AGMO: variants seen among roughly 807,000 people sequenced by gnomAD.
AGMO encodes the protein alkylglycerol monooxygenase, also known as glyceryl-ether monooxygenase.
Under a neutral mutation model 60.2 loss-of-function variants are expected in AGMO, and 75 were observed. The observed-to-expected ratio is 1.25, with a 90% CI of 1.03 to 1.51. The LOEUF (loss-of-function observed/expected upper bound fraction) is 1.51, where lower values mean the gene tolerates loss of function less well. AGMO is among the 40% of genes most tolerant of loss of function. The pLI, the probability that AGMO is intolerant of heterozygous loss-of-function variation, is 0.00. For synonymous variants in AGMO, 261 were observed against 177.1 expected, an observed-to-expected ratio of 1.47 and a Z score of -3.76; for missense variants, 763 against 525.5, an observed-to-expected ratio of 1.45 and a Z score of -4.42.
intron 3 of AGMO, among the ~76,000 whole-genome samples, chr7:15,517,143 A>G (rs1410257492): frequency 1.3e-5 from 2 of 152,096 alleles, no homozygotes; most frequent in South Asian, 2.1e-4. Flanking sequence ...TGTATTGTGC[A>G]TCTAATATCA....
intron 3 of AGMO, among the ~76,000 whole-genome samples, chr7:15,534,556 A>G (rs1784441758): frequency 6.6e-6 from 1 of 151,944 alleles, no homozygotes; most frequent in Non-Finnish European, 1.5e-5. Flanking sequence ...CAGACTGTCA[A>G]TGGTCTCTGT....
intron 12 of AGMO, among the ~76,000 whole-genome samples, chr7:15,240,098 ACAAT>A (rs1458931576): frequency 5.3e-5 from 8 of 152,168 alleles, no homozygotes; most frequent in African/African-American, 1.7e-4. Flanking sequence ...CTTTTTCCTA[ACAAT>A]CAAGCTACAT....
At chr7:15,157,264 A>G in the AGMO span, among the ~76,000 whole-genome samples, 1 of 152,178 alleles carries the variant, frequency 6.6e-6, no homozygotes, top group Non-Finnish European at 1.5e-5. Context: ...CATGAGGCTT[A>G]GGAGGGTAAG....
intron 3 of AGMO, among the ~76,000 whole-genome samples, chr7:15,484,227 AGAGT>A (rs1162700133): frequency 2.0e-5 from 3 of 152,192 alleles, no homozygotes; most frequent in Non-Finnish European, 2.9e-5. Context: ...AAGTAGAGGC[AGAGT>A]AAAGAAATTA....
intron 3 of AGMO, among the ~76,000 whole-genome samples, chr7:15,481,615 T>C (rs1782752468): frequency 1.3e-5 from 2 of 151,968 alleles, no homozygotes; most frequent in South Asian, 4.1e-4. Flanking sequence ...GATAAATGTA[T>C]ATTCAGATAG....
At chr7:15,299,826 TACATACACACACACAC>T (rs1563075441) in intron 12 of AGMO, among the ~76,000 whole-genome samples, 1 of 50,400 alleles carries the variant, frequency 2.0e-5, no homozygotes, top group Non-Finnish European at 3.8e-5. Flanking sequence ...AGACTCTGTC[TACATACACACACACAC>T]ACACACACAC....
chr7:15,372,443 G>A (rs184966885), intron 10 of AGMO, among the ~76,000 whole-genome samples: 17 of 152,164 alleles, frequency 1.1e-4, no homozygotes, highest in Admixed American at 7.2e-4. Flanking sequence ...GCGTCACAGC[G>A]AGACTCTGTC....
intron 12 of AGMO, among the ~76,000 whole-genome samples, chr7:15,265,657 C>T (rs537456954): frequency 1.3e-5 from 2 of 151,894 alleles, no homozygotes; most frequent in South Asian, 2.1e-4. Context: ...CAAGCTTTTG[C>T]CAGAATATAA....
At chr7:15,229,467 A>G (rs887659403) in intron 12 of AGMO, among the ~76,000 whole-genome samples, 5 of 150,198 alleles carry the variant, frequency 3.3e-5, no homozygotes, top group African/African-American at 9.7e-5. Context: ...TACTACTTCA[A>G]CTAGAAACTT....
Position 15,394,254 on chromosome 7 carries a change from G to GA in AGMO, c.610-76dup, listed in dbSNP as rs1784276665. On this transcript the variant is annotated intron_variant, in intron 5 of 12. Coordinates refer to ENST00000342526, the MANE Select transcript of AGMO (RefSeq NM_001004320.2). ...TGTTAGTATATAAATGCTCACATTA[G>GA]AAACTCACATAAATTAAGAGATATT... 3 of 1,100,400 alleles carry GA rather than the reference G, an allele frequency of 2.7e-6. No homozygotes were observed. The East Asian group carries it at 7.1e-5, about 26-fold the overall frequency. The allele number at this position is 1,100,400 out of a possible 1,614,324, so 68.2% of individuals were successfully genotyped here.
chr7:15,415,178 G>C (rs572760137), intron 5 of AGMO, among the ~76,000 whole-genome samples: 1 of 151,962 alleles, frequency 6.6e-6, no homozygotes, highest in South Asian at 2.1e-4. Context: ...CTCACTTCAA[G>C]TTCTGCCTCC....
intron 2 of AGMO, among the ~76,000 whole-genome samples, chr7:15,547,049 C>T (rs1234953754): frequency 1.3e-5 from 2 of 152,150 alleles, no homozygotes; most frequent in African/African-American, 4.8e-5. Context: ...AACAATTTCT[C>T]TAAAATAGGA....
At chr7:15,487,791 CTA>C (rs1264286014) in intron 3 of AGMO, among the ~76,000 whole-genome samples, 2 of 151,764 alleles carry the variant, frequency 1.3e-5, no homozygotes, top group African/African-American at 4.8e-5. Context: ...GTAATGAAAA[CTA>C]TATTCAGAGC....
intron 3 of AGMO, among the ~76,000 whole-genome samples, chr7:15,488,361 A>G (rs1159205923): frequency 6.6e-6 from 1 of 152,238 alleles, no homozygotes; most frequent in African/African-American, 2.4e-5. Context: ...ATGCAAAAGA[A>G]GAAAACTGTT....
chr7:15,331,300 G>T (rs1781492717), intron 12 of AGMO, among the ~76,000 whole-genome samples: 1 of 152,154 alleles, frequency 6.6e-6, no homozygotes, highest in Non-Finnish European at 1.5e-5. Context: ...AAATAAAAAT[G>T]ATTATTACGG....
rs188215697 is a variant in AGMO at position 15,230,300 on chromosome 7, T to C, written c.1264-28941A>G. 1.8e-3 allele frequency among the ~76,000 whole-genome samples: 273 copies of C among 152,272 alleles called. 1 individual carries two copies. The highest frequency in any genetic ancestry group is 6.2e-3 in the African/African-American group (258 of 41,564). On this transcript the variant is annotated intron_variant, in intron 12 of 12. Transcript: ENST00000342526. ...ATAAAAGTGCTTACATTTTTTCCCC[T>C]TACAGTTACAAGTTTATTGGTTGTC...
intron 3 of AGMO, among the ~76,000 whole-genome samples, chr7:15,497,213 T>C (rs1469664758): frequency 6.6e-6 from 1 of 152,110 alleles, no homozygotes; most frequent in African/African-American, 2.4e-5. Context: ...TCATTCCTAT[T>C]TGACAGATGA....
At chr7:15,239,871 G>C (rs993643937) in intron 12 of AGMO, among the ~76,000 whole-genome samples, 1 of 152,092 alleles carries the variant, frequency 6.6e-6, no homozygotes, top group African/African-American at 2.4e-5. Context: ...CTTAAATGCA[G>C]ACCTTATGAT....
intron 3 of AGMO, among the ~76,000 whole-genome samples, chr7:15,477,468 T>C (rs777643724): frequency 2.2e-4 from 33 of 152,158 alleles, no homozygotes; most frequent in Non-Finnish European, 4.6e-4. Flanking sequence ...TGTGAATGAA[T>C]GAGACACTGG....
Sources: allele counts gnomAD v4.1 joint callset (sites outside exome capture counted in the v4.1 genomes callset), GRCh38; gene constraint gnomAD v4.1.1; transcripts MANE v1.5; gene names NCBI Gene and HGNC (gene_info 2026-07-23, HGNC 2026-07-21).